Variants in GLIS3 observed in about 807,000 individuals in gnomAD.
GLIS3 encodes the protein zinc finger protein GLIS3.
Under a neutral mutation model 78.6 loss-of-function variants are expected in GLIS3, and 53 were observed. That is an observed-to-expected ratio of 0.67 (90% CI 0.54 to 0.85). The LOEUF is 0.85. GLIS3 is among the 40% of genes least tolerant of loss of function. The pLI, the probability that GLIS3 is intolerant of heterozygous loss-of-function variation, is 0.00. For synonymous variants in GLIS3, 684 were observed against 509.9 expected (o/e 1.34, Z -4.60); for missense variants, 1,703 against 1,231.1 (o/e 1.38, Z -5.74).
chr9:3,857,988 C>T (rs1588098659), intron 8 of GLIS3, among the ~76,000 whole-genome samples: 1 of 152,104 alleles, frequency 6.6e-6, no homozygotes, highest in Admixed American at 6.6e-5. Flanking sequence ...ACACCTAATC[C>T]CAAATCCCCT....
At chr9:4,017,489 C>T (rs1822534307) in intron 4 of GLIS3, among the ~76,000 whole-genome samples, 1 of 152,106 alleles carries the variant, frequency 6.6e-6, no homozygotes, top group Non-Finnish European at 1.5e-5. Flanking sequence ...ATACAAATGT[C>T]ACATGAGGGA....
chr9:4,201,827 G>A (rs1586960894), intron 2 of GLIS3, among the ~76,000 whole-genome samples: 1 of 152,140 alleles, frequency 6.6e-6, no homozygotes, highest in African/African-American at 2.4e-5. Flanking sequence ...CACAGAACTA[G>A]AAAAAGCTAT....
At chr9:4,082,823 C>T (rs945500992) in intron 4 of GLIS3, among the ~76,000 whole-genome samples, 2 of 152,178 alleles carry the variant, frequency 1.3e-5, no homozygotes, top group Non-Finnish European at 2.9e-5. Context: ...AAAAATTGTT[C>T]ATATTCACTT....
intron 2 of GLIS3, among the ~76,000 whole-genome samples, chr9:4,260,992 G>C (rs114767699): frequency 2.6e-4 from 40 of 152,156 alleles, no homozygotes; most frequent in African/African-American, 9.7e-4. Flanking sequence ...GCTCACATTT[G>C]TGGCTGTAAT....
intron 2 of GLIS3, among the ~76,000 whole-genome samples, chr9:4,213,723 T>A (rs1053918497): frequency 3.1e-4 from 47 of 152,304 alleles, no homozygotes; most frequent in African/African-American, 1.1e-3. Flanking sequence ...TAATAGAAAC[T>A]TGATAAATAT....
At chr9:4,115,429 G>A (rs1831563436) in intron 4 of GLIS3, among the ~76,000 whole-genome samples, 1 of 152,088 alleles carries the variant, frequency 6.6e-6, no homozygotes, top group Non-Finnish European at 1.5e-5. Flanking sequence ...AGTGGGATAT[G>A]AAACATTTTA....
At chr9:4,183,751 G>A (rs920014236) in intron 2 of GLIS3, among the ~76,000 whole-genome samples, 1 of 152,158 alleles carries the variant, frequency 6.6e-6, no homozygotes, top group Non-Finnish European at 1.5e-5. Flanking sequence ...CATGACAACT[G>A]ATTAAAGAGT....
At chr9:4,045,349 T>G (rs1310093049) in intron 4 of GLIS3, among the ~76,000 whole-genome samples, 1 of 152,032 alleles carries the variant, frequency 6.6e-6, no homozygotes, top group African/African-American at 2.4e-5. Context: ...GAAAAAATTT[T>G]TTTTGAGCCG....
intron 4 of GLIS3, among the ~76,000 whole-genome samples, chr9:4,073,807 ATTAT>A (rs150085569): frequency 0.029 from 4,486 of 152,278 alleles, 209 homozygotes; most frequent in African/African-American, 0.1. Flanking sequence ...GTTTAAATAA[ATTAT>A]TTAAGTAAAA....
chr9:4,400,709 AT>A, the GLIS3 span, among the ~76,000 whole-genome samples: 1 of 152,198 alleles, frequency 6.6e-6, no homozygotes, highest in Non-Finnish European at 1.5e-5. Flanking sequence ...TTCATCTTGC[AT>A]CTTGGATACC....
intron 4 of GLIS3, among the ~76,000 whole-genome samples, chr9:4,049,135 A>T (rs1408479012): frequency 1.3e-5 from 2 of 152,280 alleles, no homozygotes; most frequent in South Asian, 4.1e-4. Context: ...AAGAAAACAC[A>T]CATCTAATAA....
chr9:4,008,290 G>A (rs887839665), intron 4 of GLIS3, among the ~76,000 whole-genome samples: 6 of 152,058 alleles, frequency 3.9e-5, no homozygotes, highest in African/African-American at 9.7e-5. Context: ...GCCCTGAACC[G>A]CTTGGCCATG....
intron 4 of GLIS3, among the ~76,000 whole-genome samples, chr9:4,027,642 C>T (rs1399663810): frequency 1.3e-5 from 2 of 152,154 alleles, no homozygotes; most frequent in African/African-American, 4.8e-5. Context: ...ATAACATGTA[C>T]TGTGCTTGTT....
At chr9:4,096,395 A>T (rs1829951766) in intron 4 of GLIS3, among the ~76,000 whole-genome samples, 1 of 152,350 alleles carries the variant, frequency 6.6e-6, no homozygotes, top group African/African-American at 2.4e-5. Flanking sequence ...ACTCATACGA[A>T]AAACAAAAGT....
chr9:4,037,797 T>A (rs768504210), intron 4 of GLIS3, among the ~76,000 whole-genome samples: 2 of 152,210 alleles, frequency 1.3e-5, no homozygotes, highest in Non-Finnish European at 2.9e-5. Context: ...CAAGAGTTGC[T>A]TATGAAATGT....
At position 4,072,667 on chromosome 9, in the gene GLIS3, CT is replaced by C. The variant is rs548029265; in HGVS notation, c.1710+45100del. ...ACTGAAAAGTTTAGCCAAGCATGAA[CT>C]TTTTTTTAATGACATCCTGCTTATT... is the stretch of plus-strand genomic sequence containing the variant. On this transcript the variant is annotated intron_variant, in intron 4 of 10. Transcript: ENST00000381971. Among the ~76,000 whole-genome samples the C allele has an allele frequency of 4.6e-5, 7 of 151,688 alleles. No homozygotes were observed. In the East Asian group the frequency reaches 1.2e-3, roughly 25 times the overall value.
At chr9:4,360,129 T>C in the GLIS3 span, among the ~76,000 whole-genome samples, 2 of 151,946 alleles carry the variant, frequency 1.3e-5, no homozygotes, top group Non-Finnish European at 2.9e-5. Flanking sequence ...AGGGCACAGG[T>C]TTTATGCAAA....
chr9:4,237,084 G>A (rs1822832420), intron 2 of GLIS3, among the ~76,000 whole-genome samples: 1 of 131,626 alleles, frequency 7.6e-6, no homozygotes, highest in Admixed American at 7.7e-5. Context: ...TTAGCAATAA[G>A]TATAAAGAAT....
At chr9:4,197,153 G>C (rs7873477) in intron 2 of GLIS3, among the ~76,000 whole-genome samples, 28,337 of 152,094 alleles carry the variant, frequency 0.19, 4,533 homozygotes, top group African/African-American at 0.44. Flanking sequence ...GGGGCTCTCT[G>C]TGCTCCACAC....
Sources: allele counts gnomAD v4.1 joint callset (sites outside exome capture counted in the v4.1 genomes callset), GRCh38; gene constraint gnomAD v4.1.1; transcripts MANE v1.5; gene names NCBI Gene and HGNC (gene_info 2026-07-23, HGNC 2026-07-21).